Variants in TGFBR2 observed in about 807,000 individuals in gnomAD.
TGFBR2 encodes the protein TGF-beta receptor type-2.
In TGFBR2, 18 loss-of-function variants were observed where a neutral mutation model predicts 49.0. The observed-to-expected ratio is 0.37, with a 90% CI of 0.25 to 0.54. The LOEUF is 0.54. Among genes scored for constraint, TGFBR2 ranks in the 20% least tolerant of loss-of-function variants. The pLI is 0.85. For missense variants in TGFBR2, 525 were observed against 722.6 expected (o/e 0.73, Z 3.13); for synonymous variants, 282 against 275.9 (o/e 1.02, Z -0.22).
intron 1 of TGFBR2, among the ~76,000 whole-genome samples, chr3:30,612,779 G>T (rs921691715): frequency 6.6e-6 from 1 of 152,086 alleles, no homozygotes; most frequent in Non-Finnish European, 1.5e-5. Flanking sequence ...AAGAAGAGCC[G>T]ACTTTATCCA....
chr3:30,613,508 G>A (rs1204184784), intron 1 of TGFBR2, among the ~76,000 whole-genome samples: 4 of 148,204 alleles, frequency 2.7e-5, no homozygotes, highest in Non-Finnish European at 5.9e-5. Context: ...AGCTCTGTGT[G>A]TGTGTGTGTC....
chr3:30,671,570 A>G, intron 3 of TGFBR2, 68 bp from the exon 4 acceptor site: 1 of 1,511,846 alleles, frequency 6.6e-7, no homozygotes, highest in Non-Finnish European at 9.2e-7. Context: ...TCAGGCATGA[A>G]CCCACTTCCT....
chr3:30,618,146 T>C (rs535850360), intron 1 of TGFBR2, among the ~76,000 whole-genome samples: 14 of 152,306 alleles, frequency 9.2e-5, no homozygotes, highest in African/African-American at 3.1e-4. Flanking sequence ...CCAGTCATCC[T>C]TCATGAGTCT....
chr3:30,624,035 C>T (rs777136698), intron 1 of TGFBR2, among the ~76,000 whole-genome samples: 3 of 151,894 alleles, frequency 2.0e-5, no homozygotes, highest in East Asian at 1.9e-4. Context: ...CACAGCTACT[C>T]GGGAGGCTGA....
intron 5 of TGFBR2, among the ~76,000 whole-genome samples, chr3:30,681,389 T>C (rs772754762): frequency 1.1e-4 from 16 of 152,030 alleles, no homozygotes; most frequent in Admixed American, 2.6e-4. Context: ...CCCTGTTACA[T>C]TGGGACTACA....
chr3:30,621,279 T>TTC (rs1448628595), intron 1 of TGFBR2, among the ~76,000 whole-genome samples: 2 of 3,686 alleles, frequency 5.4e-4, no homozygotes, highest in Non-Finnish European at 8.5e-4. Context: ...TTTAATATTC[T>TTC]TTTTTTTTTT....
chr3:30,635,045 A>G (rs1698504378), intron 1 of TGFBR2, among the ~76,000 whole-genome samples: 1 of 152,226 alleles, frequency 6.6e-6, no homozygotes, highest in Non-Finnish European at 1.5e-5. Flanking sequence ...AGCTTTATCA[A>G]TGAAAAACTT....
At position 30,693,870 on chromosome 3, in the gene TGFBR2, G is replaced by C. The variant is rs958389514; in HGVS notation, c.*2271G>C. ...TTTCTTATTCAAGAAAAAAGACCAA[G>C]GAATAACATTCTGTAGTTCCTAAAA... On this transcript the variant is annotated 3_prime_UTR_variant, in exon 7 of 7. Coordinates refer to ENST00000295754, the MANE Select transcript of TGFBR2 (RefSeq NM_003242.6). 8.7e-6 allele frequency: 2 copies of C among 230,682 alleles called. No homozygotes were observed. Among genetic ancestry groups the C allele is most frequent in the Non-Finnish European group, 1.7e-5 (2 of 116,458 alleles). 14.3% of individuals were successfully genotyped at this position (230,682 alleles called of 1,614,324 possible). A position where few individuals can be genotyped will look rare whatever the true frequency, so the allele number is the denominator to read the frequency against.
At chr3:30,637,560 C>G (rs1304856512) in intron 1 of TGFBR2, among the ~76,000 whole-genome samples, 1 of 152,198 alleles carries the variant, frequency 6.6e-6, no homozygotes, top group African/African-American at 2.4e-5. Context: ...AGTCTGGTGA[C>G]CAAGGGTGGA....
At chr3:30,652,536 A>G (rs866361551) in intron 3 of TGFBR2, among the ~76,000 whole-genome samples, 27 of 152,126 alleles carry the variant, frequency 1.8e-4, no homozygotes, top group African/African-American at 6.5e-4. Context: ...GCTTGGCCTC[A>G]TGTTCTTTAT....
At chr3:30,627,699 C>T (rs2125457949) in intron 1 of TGFBR2, among the ~76,000 whole-genome samples, 1 of 151,900 alleles carries the variant, frequency 6.6e-6, no homozygotes, top group East Asian at 2.0e-4. Context: ...TTCACCTTTG[C>T]AGGAAGTTCT....
intron 5 of TGFBR2, among the ~76,000 whole-genome samples, chr3:30,678,275 C>T (rs527847020): frequency 1.3e-5 from 2 of 152,176 alleles, no homozygotes; most frequent in East Asian, 1.9e-4. Flanking sequence ...CTGCCGGGCG[C>T]GGTGGCTCAC....
rs1699369183 is a variant in TGFBR2 at position 30,672,887 on chromosome 3, C to T, written c.1254+450C>T. ...TCCAAATCTACATCCACATGGTCACCCAAGATATGTAGCACAATGCCTTGA... is the reference window on the plus strand; with the variant it reads ...TCCAAATCTACATCCACATGGTCACTCAAGATATGTAGCACAATGCCTTGA... On this transcript the variant is annotated intron_variant, in intron 4 of 6. Coordinates refer to ENST00000295754, the MANE Select transcript of TGFBR2 (RefSeq NM_003242.6). This position sits in a 1 kb window ranked among gnomAD's most constrained non-coding sequence, Gnocchi z 4.5. 6.6e-6 allele frequency among the ~76,000 whole-genome samples: 1 copy of T among 152,138 alleles called. No homozygotes were observed. Among genetic ancestry groups the T allele is most frequent in the African/African-American group, 2.4e-5 (1 of 41,436 alleles).
chr3:30,608,721 C>T (rs780074360), intron 1 of TGFBR2, among the ~76,000 whole-genome samples: 3 of 152,172 alleles, frequency 2.0e-5, no homozygotes, highest in Non-Finnish European at 4.4e-5. Context: ...AGCAAAAAGT[C>T]TTGACACACA....
chr3:30,647,116 G>A (rs1340326582), intron 2 of TGFBR2, among the ~76,000 whole-genome samples: 1 of 152,162 alleles, frequency 6.6e-6, no homozygotes, highest in Non-Finnish European at 1.5e-5. Context: ...CATTCCCTGG[G>A]AGTGTTGGCT....
intron 3 of TGFBR2, among the ~76,000 whole-genome samples, chr3:30,670,615 C>G (rs1266384830): frequency 6.6e-6 from 1 of 152,172 alleles, no homozygotes; most frequent in East Asian, 1.9e-4. Context: ...TGTCCTTCTT[C>G]CAAAAAGGAA....
At position 30,687,497 on chromosome 3, in the gene TGFBR2, T is replaced by C. The variant is rs550529094; in HGVS notation, c.1397-887T>C. ...CTTCAGCCTCCTAAAGTGCTGGGAT[T>C]ACACACATGAGCCACAGCACCTGGC... On this transcript the variant is annotated intron_variant, in intron 5 of 6. Coordinates refer to ENST00000295754, the MANE Select transcript of TGFBR2 (RefSeq NM_003242.6). 3.9e-5 allele frequency among the ~76,000 whole-genome samples: 6 copies of C among 152,284 alleles called. No individual in the cohort carries two copies. In the South Asian group the frequency reaches 1.0e-3, roughly 26 times the overall value.
chr3:30,672,496 T>A lies in TGFBR2; in HGVS notation c.1254+59T>A, dbSNP rs1194432051. The A allele has an allele frequency of 4.5e-6, 7 of 1,558,486 alleles. No individual in the cohort carries two copies. The highest frequency in any genetic ancestry group is 6.2e-6 in the Non-Finnish European group (7 of 1,129,910). Reference sequence around the variant, plus strand: ...TTGAGCCTGGCCTCACCCTACCTCTTGATCCATATCTCCTGGCTCTTATCT... The same window carrying A: ...TTGAGCCTGGCCTCACCCTACCTCTAGATCCATATCTCCTGGCTCTTATCT... On this transcript the variant is annotated intron_variant, in intron 4 of 6. Coordinates refer to ENST00000295754, the MANE Select transcript of TGFBR2 (RefSeq NM_003242.6). This position sits in a 1 kb window ranked among gnomAD's most constrained non-coding sequence, Gnocchi z 4.5.
At chr3:30,669,592 AC>A (rs941603362) in intron 3 of TGFBR2, among the ~76,000 whole-genome samples, 1 of 152,160 alleles carries the variant, frequency 6.6e-6, no homozygotes, top group African/African-American at 2.4e-5. Flanking sequence ...AAGACTGGTC[AC>A]CCCACCCTAA....
Sources: allele counts gnomAD v4.1 joint callset (sites outside exome capture counted in the v4.1 genomes callset), GRCh38; gene constraint gnomAD v4.1.1; non-coding constraint Gnocchi (gnomAD v3.1); transcripts MANE v1.5; gene names NCBI Gene and HGNC (gene_info 2026-07-23, HGNC 2026-07-21).